Variants in STEAP1B observed in about 807,000 individuals in gnomAD.
STEAP1B encodes STEAP family member 1B.
STEAP1B carries 13 observed loss-of-function variants against 27.9 expected under a neutral mutation model. The observed-to-expected ratio is 0.47, with a 90% CI of 0.30 to 0.74. STEAP1B has a LOEUF of 0.74. Among genes scored for constraint, STEAP1B ranks in the 30% least tolerant of loss-of-function variants. The probability of loss-of-function intolerance (pLI) is 0.06; values close to 1 mark genes in which losing one functional copy is unlikely to be tolerated. For synonymous variants in STEAP1B, 86 were observed against 107.1 expected, an observed-to-expected ratio of 0.80 and a Z score of 1.22; for missense variants, 250 against 298.7, an observed-to-expected ratio of 0.84 and a Z score of 1.20.
intron 1 of STEAP1B, 53 bp from the exon 2 acceptor site, chr7:22,494,939 G>A (rs1265827182): frequency 7.5e-6 from 7 of 929,188 alleles, no homozygotes; most frequent in African/African-American, 5.1e-5. Context: ...TGATGTGAAT[G>A]TCTGATGTAA....
chr7:22,463,999 T>C (rs1785726883), intron 4 of STEAP1B, among the ~76,000 whole-genome samples: 1 of 151,876 alleles, frequency 6.6e-6, no homozygotes, highest in Non-Finnish European at 1.5e-5. Context: ...CAAAAGAAAC[T>C]ACCATCAGAG....
chr7:22,453,247 G>A (rs1785519223), intron 4 of STEAP1B, among the ~76,000 whole-genome samples: 1 of 152,186 alleles, frequency 6.6e-6, no homozygotes, highest in South Asian at 2.1e-4. Flanking sequence ...TCTTTAGAAA[G>A]AAGCCTTCTG....
intron 4 of STEAP1B, among the ~76,000 whole-genome samples, chr7:22,473,082 G>A (rs1785912036): frequency 1.3e-5 from 2 of 152,154 alleles, no homozygotes. Flanking sequence ...GAAAGCAAAG[G>A]TGGAATTGAG....
chr7:22,491,223 C>A (rs1786315570), intron 4 of STEAP1B, among the ~76,000 whole-genome samples: 1 of 152,112 alleles, frequency 6.6e-6, no homozygotes, highest in Admixed American at 6.6e-5. Flanking sequence ...AAACTGAGTG[C>A]CATAGTATAG....
chr7:22,465,899 G>A (rs1785771023), intron 4 of STEAP1B, among the ~76,000 whole-genome samples: 1 of 152,148 alleles, frequency 6.6e-6, no homozygotes, highest in Non-Finnish European at 1.5e-5. Context: ...GCCTCCACCT[G>A]GCAGTCTTCA....
chr7:22,497,699 C>G (rs1786465904), intron 1 of STEAP1B, among the ~76,000 whole-genome samples: 1 of 152,172 alleles, frequency 6.6e-6, no homozygotes, highest in African/African-American at 2.4e-5. Flanking sequence ...TTAGGCTGTT[C>G]TCGCACTGCT....
intron 4 of STEAP1B, among the ~76,000 whole-genome samples, chr7:22,459,316 A>T (rs992883417): frequency 6.6e-6 from 1 of 152,262 alleles, no homozygotes; most frequent in Non-Finnish European, 1.5e-5. Context: ...TGGCCAAAAC[A>T]GATAAAGACA....
chr7:22,454,115 A>C (rs1439824057), intron 4 of STEAP1B, among the ~76,000 whole-genome samples: 1 of 152,240 alleles, frequency 6.6e-6, no homozygotes, highest in Non-Finnish European at 1.5e-5. Context: ...AATATAACAA[A>C]TGTTTATAAC....
intron 4 of STEAP1B, among the ~76,000 whole-genome samples, chr7:22,452,873 G>A (rs1430463782): frequency 1.3e-5 from 2 of 152,140 alleles, no homozygotes; most frequent in East Asian, 1.9e-4. Context: ...TGTCTTCCTG[G>A]CAGTTGCTAA....
At chr7:22,464,684 C>T (rs1785740846) in intron 4 of STEAP1B, among the ~76,000 whole-genome samples, 1 of 151,514 alleles carries the variant, frequency 6.6e-6, no homozygotes, top group African/African-American at 2.4e-5. Context: ...TGCACGCACA[C>T]AGAAAAAACC....
intron 4 of STEAP1B, among the ~76,000 whole-genome samples, chr7:22,485,739 T>C (rs914655033): frequency 7.9e-5 from 12 of 152,232 alleles, no homozygotes; most frequent in African/African-American, 2.7e-4. Context: ...CTCTACATAG[T>C]TTGCGTGAAA....
intron 4 of STEAP1B, among the ~76,000 whole-genome samples, chr7:22,476,954 G>T (rs1035593278): frequency 2.0e-5 from 3 of 152,094 alleles, no homozygotes; most frequent in Admixed American, 6.5e-5. Context: ...TCCACTCTCA[G>T]CCCCTAGAGG....
At chr7:22,456,380 C>T (rs1247178845) in intron 4 of STEAP1B, among the ~76,000 whole-genome samples, 1 of 152,162 alleles carries the variant, frequency 6.6e-6, no homozygotes, top group African/African-American at 2.4e-5. Flanking sequence ...ACTCTCCTTC[C>T]CTGTCATGGT....
At position 22,493,422 on chromosome 7, in the gene STEAP1B, G is replaced by A. The variant is rs773736639; in HGVS notation, c.499C>T (p.Leu167Phe). The A allele has an allele frequency of 9.3e-6, 15 of 1,613,960 alleles. No homozygotes were observed. Among genetic ancestry groups the A allele is most frequent in the East Asian group, 8.9e-5 (4 of 44,880 alleles). Residue 167 changes from leucine (L) to phenylalanine (F), a missense_variant, in exon 3 of 5, where the codon CTC becomes TTC. Coordinates refer to ENST00000678116, the MANE Select transcript of STEAP1B (RefSeq NM_001382447.1). Reference sequence around the variant, plus strand: ...TGCAGTACAGCAAAAAACAAACTGAGAAGCCCAAACTGCTTTCTTGTTAAC... The same window carrying A: ...TGCAGTACAGCAAAAAACAAACTGAAAAGCCCAAACTGCTTTCTTGTTAAC... The part of the protein sequence containing the change: ...WMLTRKQFGL[L>F]SLFFAVLHAI...
At chr7:22,438,913 T>C (rs1466961756) in intron 4 of STEAP1B, among the ~76,000 whole-genome samples, 1 of 152,214 alleles carries the variant, frequency 6.6e-6, no homozygotes, top group Non-Finnish European at 1.5e-5. Flanking sequence ...ACATTTTTAT[T>C]TGGTAATAAA....
chr7:22,487,968 C>A (rs1257230367), intron 4 of STEAP1B, among the ~76,000 whole-genome samples: 1 of 152,140 alleles, frequency 6.6e-6, no homozygotes, highest in East Asian at 1.9e-4. Context: ...CCCCAGAAAA[C>A]CCCATCCACC....
chr7:22,453,811 G>A (rs1169096894), intron 4 of STEAP1B, among the ~76,000 whole-genome samples: 2 of 152,150 alleles, frequency 1.3e-5, no homozygotes, highest in Non-Finnish European at 2.9e-5. Flanking sequence ...AAGTCTTACA[G>A]TATATACCCT....
chr7:22,448,836 G>A (rs1413511455), intron 4 of STEAP1B, among the ~76,000 whole-genome samples: 2 of 152,156 alleles, frequency 1.3e-5, no homozygotes, highest in Non-Finnish European at 2.9e-5. Context: ...TATCCCAGCT[G>A]GAAGGCTGCT....
rs184471977 is a variant in STEAP1B, at chr7:22,483,160, C to G, written c.762+9405G>C. Among the ~76,000 whole-genome samples, 54 of 151,648 alleles carry G rather than the reference C, an allele frequency of 3.6e-4. No homozygotes were observed. In the East Asian group the frequency reaches 0.01, roughly 29 times the overall value. On this transcript the variant is annotated intron_variant, in intron 4 of 4. Coordinates refer to ENST00000678116, the MANE Select transcript of STEAP1B (RefSeq NM_001382447.1). ...GTCACCTTCTTCCAAGCAGAACAAACTGTCTAGGAAAAAATGTCAACCGAC... is the reference window on the plus strand; with the variant it reads ...GTCACCTTCTTCCAAGCAGAACAAAGTGTCTAGGAAAAAATGTCAACCGAC...
Sources: gnomAD v4.1 joint callset for allele counts (sites outside exome capture counted in the v4.1 genomes callset) on GRCh38, gnomAD v4.1.1 for gene constraint, MANE v1.5 for transcripts, NCBI Gene and HGNC (gene_info 2026-07-23, HGNC 2026-07-21) for gene names.